Variants in MGAT4C observed in about 807,000 individuals in gnomAD.
MGAT4C encodes the protein MGAT4 family member C, also known as alpha-1,3-mannosyl-glycoprotein 4-beta-N-acetylglucosaminyltransferase C.
Under a neutral mutation model 40.1 loss-of-function variants are expected in MGAT4C, and 19 were observed. That is an observed-to-expected ratio of 0.47 (90% CI 0.33 to 0.70). MGAT4C has a LOEUF of 0.70. Ranked by LOEUF, MGAT4C falls within the 30% of genes least tolerant of loss-of-function variation. The probability of loss-of-function intolerance (pLI) is 0.02; values close to 1 mark genes in which losing one functional copy is unlikely to be tolerated. For synonymous variants in MGAT4C, 181 were observed against 187.1 expected (o/e 0.97, Z 0.27); for missense variants, 491 against 563.2 (o/e 0.87, Z 1.30).
chr12:86,342,675 G>A lies in MGAT4C; in HGVS notation c.-119-8548C>T, dbSNP rs144438563. Among the ~76,000 whole-genome samples, 1,206 of 152,220 alleles carry A rather than the reference G, an allele frequency of 7.9e-3. 11 individuals carry two copies. Among genetic ancestry groups the A allele is most frequent in the African/African-American group, 0.028 (1,144 of 41,546 alleles). On this transcript the variant is annotated intron_variant, in intron 3 of 7. Transcript: ENST00000548651. ...AGGATGATCTCGATCTCCTGATCTC[G>A]TGATCCGCCCACCTCGGCCTCCCAA...
intron 1 of MGAT4C, among the ~76,000 whole-genome samples, chr12:86,767,717 A>C (rs905051336): frequency 4.6e-5 from 7 of 152,102 alleles, no homozygotes; most frequent in East Asian, 1.9e-4. Context: ...TCAATATATG[A>C]AAATCAATAA....
intron 2 of MGAT4C, among the ~76,000 whole-genome samples, chr12:86,497,522 AC>A (rs1201627489): frequency 2.0e-5 from 3 of 151,552 alleles, no homozygotes; most frequent in Non-Finnish European, 2.9e-5. Context: ...ATGGATTTTG[AC>A]CCCCTTTTCC....
intron 1 of MGAT4C, among the ~76,000 whole-genome samples, chr12:86,782,175 T>TC (rs1951855818): frequency 1.1e-5 from 1 of 94,732 alleles, no homozygotes; most frequent in Admixed American, 1.0e-4. Flanking sequence ...TTTTGTATTT[T>TC]TTTTTTTTTT....
At chr12:86,270,191 C>T (rs964028311) in intron 4 of MGAT4C, among the ~76,000 whole-genome samples, 6 of 152,060 alleles carry the variant, frequency 3.9e-5, no homozygotes, top group Non-Finnish European at 8.8e-5. Context: ...CTCAGCCTCC[C>T]AAGTAGCTGG....
intron 3 of MGAT4C, among the ~76,000 whole-genome samples, chr12:86,421,878 GAAATAAAA>G (rs1467236867): frequency 7.2e-5 from 11 of 152,070 alleles, no homozygotes; most frequent in Non-Finnish European, 1.6e-4. Flanking sequence ...TATGATCAAG[GAAATAAAA>G]AAGTACATAA....
intron 1 of MGAT4C, among the ~76,000 whole-genome samples, chr12:86,145,999 CTA>C (rs1555231859): frequency 6.6e-6 from 1 of 152,034 alleles, no homozygotes; most frequent in Non-Finnish European, 1.5e-5. Flanking sequence ...TGAAAACAGT[CTA>C]AGACATTTTT....
At position 86,480,206 on chromosome 12, in the gene MGAT4C, G is replaced by A. The variant is rs922993081; in HGVS notation, c.-228-44941C>T. On this transcript the variant is annotated intron_variant, in intron 2 of 7. Coordinates refer to the MGAT4C transcript ENST00000548651. ...ATTGTAAAAACCACTCTTGCCATTA[G>A]AGAACATGTAAGTGTTCTTTCATGT... Among the ~76,000 whole-genome samples, 3 of 151,802 alleles carry A rather than the reference G, an allele frequency of 2.0e-5. No individual in the cohort carries two copies. In the South Asian group the frequency reaches 6.2e-4, roughly 31 times the overall value.
At chr12:86,107,299 A>C (rs1249968941) in intron 1 of MGAT4C, among the ~76,000 whole-genome samples, 1 of 152,144 alleles carries the variant, frequency 6.6e-6, no homozygotes, top group African/African-American at 2.4e-5. Context: ...GAGTAATAAC[A>C]GTTTATGAAG....
rs965533370 is a variant in MGAT4C, at chr12:85,957,220, GTTTAATT to G, written c.*22062_*22068del. The G allele has an allele frequency of 6.6e-6, 1 of 152,122 alleles. No individual in the cohort carries two copies. Among genetic ancestry groups the G allele is most frequent in the African/African-American group, 2.4e-5 (1 of 41,416 alleles). 9.4% of individuals were successfully genotyped at this position (152,122 alleles called of 1,614,324 possible). ...AAGCAGGAAGTTGAGGAAAGTTTAT[GTTTAATT>G]TTTATTTTATTTTCTTCATCTGTAA... On this transcript the variant is annotated 3_prime_UTR_variant, in exon 5 of 5. Transcript: ENST00000611864.
intron 2 of MGAT4C, among the ~76,000 whole-genome samples, chr12:86,604,933 A>T (rs186189999): frequency 4.1e-4 from 63 of 152,316 alleles, no homozygotes; most frequent in Admixed American, 2.3e-3. Flanking sequence ...CTTTTATTCT[A>T]GCTGACTGGG....
At chr12:86,154,292 C>G (rs1188809998) in intron 1 of MGAT4C, among the ~76,000 whole-genome samples, 1 of 152,122 alleles carries the variant, frequency 6.6e-6, no homozygotes, top group Non-Finnish European at 1.5e-5. Context: ...TTGGCCAGAA[C>G]AGCCCGGGCT....
At chr12:85,990,714 T>TA in intron 2 of MGAT4C, among the ~76,000 whole-genome samples, 1 of 152,258 alleles carries the variant, frequency 6.6e-6, no homozygotes, top group African/African-American at 2.4e-5. Flanking sequence ...AAATAATTTC[T>TA]AAAAAAGAAT....
intron 1 of MGAT4C, among the ~76,000 whole-genome samples, chr12:86,087,631 A>G (rs1282760474): frequency 2.0e-5 from 3 of 152,032 alleles, no homozygotes; most frequent in African/African-American, 7.2e-5. Flanking sequence ...GGGGAACACA[A>G]CGGAGTTCAC....
At position 86,756,104 on chromosome 12, in the gene MGAT4C, T is replaced by G. The variant is rs181136611; in HGVS notation, c.-261-28863A>C. Among the ~76,000 whole-genome samples the G allele has an allele frequency of 1.0e-2, 1,520 of 152,236 alleles. 9 individuals carry two copies. The highest frequency in any genetic ancestry group is 0.017 in the Middle Eastern group (5 of 294). Reference sequence around the variant, plus strand: ...GTTGCCATAACAAAATACCATAGGCTGGGCAGTTTAAACACAGAAATTTAT... The same window carrying G: ...GTTGCCATAACAAAATACCATAGGCGGGGCAGTTTAAACACAGAAATTTAT... On this transcript the variant is annotated intron_variant, in intron 1 of 7. Coordinates refer to the MGAT4C transcript ENST00000548651.
intron 1 of MGAT4C, among the ~76,000 whole-genome samples, chr12:86,243,667 G>A (rs1951887617): frequency 6.6e-6 from 1 of 152,104 alleles, no homozygotes; most frequent in Non-Finnish European, 1.5e-5. Flanking sequence ...TGGCCATCAG[G>A]AAAACAGGGA....
chr12:86,494,280 T>A (rs1363890224), intron 2 of MGAT4C, among the ~76,000 whole-genome samples: 1 of 151,986 alleles, frequency 6.6e-6, no homozygotes, highest in Non-Finnish European at 1.5e-5. Context: ...ACTGTTTATA[T>A]CACATTATTA....
chr12:86,211,721 C>T (rs1950479155), intron 1 of MGAT4C, among the ~76,000 whole-genome samples: 2 of 152,000 alleles, frequency 1.3e-5, no homozygotes, highest in African/African-American at 4.8e-5. Context: ...ATTTCCCTTG[C>T]TATTAGTACC....
intron 2 of MGAT4C, among the ~76,000 whole-genome samples, chr12:86,589,429 A>T (rs1961222683): frequency 6.6e-6 from 1 of 152,098 alleles, no homozygotes; most frequent in Non-Finnish European, 1.5e-5. Context: ...CCAACCAAAA[A>T]GAGTCCAGGA....
intron 1 of MGAT4C, among the ~76,000 whole-genome samples, chr12:86,818,826 G>A (rs1352477983): frequency 2.6e-5 from 4 of 150,956 alleles, no homozygotes; most frequent in South Asian, 4.1e-4. Flanking sequence ...ATAACATGAA[G>A]TCTAACAACA....
Sources: gnomAD v4.1 joint callset for allele counts (sites outside exome capture counted in the v4.1 genomes callset) on GRCh38, gnomAD v4.1.1 for gene constraint, MANE v1.5 for transcripts, NCBI Gene and HGNC (gene_info 2026-07-23, HGNC 2026-07-21) for gene names.